The following ANKRD30B variants were observed in gnomAD, a reference collection of about 807,000 sequenced individuals.
ANKRD30B encodes ankyrin repeat domain-containing protein 30B.
In ANKRD30B, 144 loss-of-function variants were observed where a neutral mutation model predicts 202.2. The ratio of observed to expected loss-of-function variants is 0.71; its 90% CI spans 0.62 to 0.82. ANKRD30B has a LOEUF of 0.82. Ranked by LOEUF, ANKRD30B falls within the 40% of genes least tolerant of loss-of-function variation. ANKRD30B has a pLI of 0.00. For synonymous variants in ANKRD30B, 508 were observed against 561.3 expected (o/e 0.91, Z 1.34); for missense variants, 1,487 against 1,669.1 (o/e 0.89, Z 1.90).
the ANKRD30B span, chr18:14,903,620 A>G: frequency 6.6e-6 from 1 of 152,204 alleles, no homozygotes; most frequent in East Asian, 1.9e-4. Flanking sequence ...CTCTATGTAG[A>G]CAGAGAACGT....
chr18:14,919,158 A>G, the ANKRD30B span, among the ~76,000 whole-genome samples: 2 of 152,208 alleles, frequency 1.3e-5, no homozygotes, highest in African/African-American at 2.4e-5. Context: ...TTCATTGCCC[A>G]CTAGGTTATA....
the ANKRD30B span, among the ~76,000 whole-genome samples, chr18:14,939,833 C>G: frequency 6.6e-6 from 1 of 152,218 alleles, no homozygotes; most frequent in Non-Finnish European, 1.5e-5. Flanking sequence ...CCAGGCATAG[C>G]ACGTGGAGGG....
intron 36 of ANKRD30B, among the ~76,000 whole-genome samples, chr18:14,839,695 T>C (rs1233600564): frequency 6.6e-6 from 1 of 152,206 alleles, no homozygotes; most frequent in African/African-American, 2.4e-5. Flanking sequence ...TAAATATAAA[T>C]TTTCCTTATG....
At chr18:14,782,117 A>G (rs1346179451) in intron 11 of ANKRD30B, among the ~76,000 whole-genome samples, 5 of 152,136 alleles carry the variant, frequency 3.3e-5, no homozygotes, top group Non-Finnish European at 2.9e-5. Flanking sequence ...TATCTCTAAT[A>G]TTTTTCCCAC....
At chr18:14,873,655 C>T in the ANKRD30B span, among the ~76,000 whole-genome samples, 1 of 151,998 alleles carries the variant, frequency 6.6e-6, no homozygotes. Flanking sequence ...ACCCCCAATT[C>T]CCTTGTTTAT....
rs761977548 is a variant in ANKRD30B at position 14,848,723 on chromosome 18, T to A, written c.3189T>A (p.Thr1063=). ...KNKQTLRADS[T]TLSKILDALP... ...ATCTCCTCCTTGAGACAGATTCAAC[T>A]ACCCTATCAAAAATCTTGGATGCAC... The change falls in exon 40 of 44, where the codon ACT becomes ACA. Residue 1063 remains threonine, a synonymous_variant. Transcript: ENST00000690538. 2 of 1,538,456 alleles carry A rather than the reference T, an allele frequency of 1.3e-6. No homozygotes were observed. Among genetic ancestry groups the A allele is most frequent in the Admixed American group, 4.3e-5 (2 of 46,732 alleles).
the ANKRD30B span, among the ~76,000 whole-genome samples, chr18:14,912,571 T>C: frequency 1.6e-4 from 24 of 152,300 alleles, no homozygotes; most frequent in African/African-American, 5.1e-4. Context: ...TATTGGTATG[T>C]AGTGTTCTTC....
chr18:14,753,093 G>C (rs1913731912), intron 3 of ANKRD30B, 81 bp downstream of exon 3: 1 of 1,124,758 alleles, frequency 8.9e-7, no homozygotes, highest in Admixed American at 3.2e-5. Flanking sequence ...TTTTATATTT[G>C]GAAACACAAA....
chr18:14,870,637 G>T, the ANKRD30B span, among the ~76,000 whole-genome samples: 5 of 152,240 alleles, frequency 3.3e-5, no homozygotes, highest in East Asian at 9.7e-4. Flanking sequence ...TCCACCTAGT[G>T]GGCTGCCTAC....
chr18:14,848,701 T>C lies in ANKRD30B; in HGVS notation c.3182-15T>C. On this transcript the variant is annotated splice_polypyrimidine_tract_variant and intron_variant, in intron 39 of 43. Coordinates refer to ENST00000690538, the MANE Select transcript of ANKRD30B (RefSeq NM_001367607.2). ...AGTACTAATATATTTTATTTCTATC[T>C]CCTCCTTGAGACAGATTCAACTACC... 6.7e-7 allele frequency: 1 copy of C among 1,484,714 alleles called. No individual in the cohort carries two copies. The highest frequency in any genetic ancestry group is 8.9e-7 in the Non-Finnish European group (1 of 1,119,580). 92.0% of individuals were successfully genotyped at this position (1,484,714 alleles called of 1,614,324 possible). A position where few individuals can be genotyped will look rare whatever the true frequency, so the allele number is the denominator to read the frequency against.
chr18:14,753,686 A>G (rs1168918048), intron 3 of ANKRD30B, among the ~76,000 whole-genome samples: 2 of 152,160 alleles, frequency 1.3e-5, no homozygotes, highest in Non-Finnish European at 2.9e-5. Context: ...TTTTTAAACA[A>G]TGATTTTTCT....
intron 10 of ANKRD30B, among the ~76,000 whole-genome samples, chr18:14,778,292 G>A (rs1967509097): frequency 6.6e-6 from 1 of 152,166 alleles, no homozygotes; most frequent in Non-Finnish European, 1.5e-5. Flanking sequence ...TCAATATACT[G>A]TAAGACCTGA....
At chr18:14,879,502 A>G in the ANKRD30B span, among the ~76,000 whole-genome samples, 26 of 152,186 alleles carry the variant, frequency 1.7e-4, no homozygotes, top group Admixed American at 1.7e-3. Flanking sequence ...GATCATAACA[A>G]TCAACATTGA....
the ANKRD30B span, among the ~76,000 whole-genome samples, chr18:14,933,529 T>C: frequency 6.6e-6 from 1 of 151,884 alleles, no homozygotes; most frequent in Non-Finnish European, 1.5e-5. Context: ...GGGTGGGAGC[T>C]GCATGGAGCA....
chr18:14,908,677 G>A, the ANKRD30B span, among the ~76,000 whole-genome samples: 175 of 152,298 alleles, frequency 1.1e-3, no homozygotes, highest in Admixed American at 2.3e-3. Flanking sequence ...TAGCTCCCGT[G>A]TGGAGCCCAG....
At chr18:14,882,099 T>G in the ANKRD30B span, among the ~76,000 whole-genome samples, 1 of 152,222 alleles carries the variant, frequency 6.6e-6, no homozygotes, top group Non-Finnish European at 1.5e-5. Flanking sequence ...GTTGTTCTTG[T>G]GTCAATTTCA....
At chr18:14,868,780 C>T in the ANKRD30B span, among the ~76,000 whole-genome samples, 2 of 152,300 alleles carry the variant, frequency 1.3e-5, no homozygotes, top group Admixed American at 1.3e-4. Context: ...GAACCTTAGG[C>T]CACAGGGGCA....
intron 34 of ANKRD30B, among the ~76,000 whole-genome samples, chr18:14,836,814 A>T (rs915565234): frequency 1.3e-5 from 2 of 151,828 alleles, no homozygotes; most frequent in African/African-American, 2.4e-5. Flanking sequence ...TATTGCACCT[A>T]GAGTCTTTGT....
intron 3 of ANKRD30B, among the ~76,000 whole-genome samples, chr18:14,753,219 T>C (rs1251233781): frequency 1.3e-5 from 2 of 152,210 alleles, no homozygotes; most frequent in Non-Finnish European, 2.9e-5. Context: ...TTATGATAAA[T>C]ATTTGAATTT....
Sources: gnomAD v4.1 joint callset for allele counts (sites outside exome capture counted in the v4.1 genomes callset) on GRCh38, gnomAD v4.1.1 for gene constraint, MANE v1.5 for transcripts, NCBI Gene and HGNC (gene_info 2026-07-23, HGNC 2026-07-21) for gene names.